The following NOX4 variants were observed in gnomAD, a reference collection of about 807,000 sequenced individuals.
The protein encoded by NOX4 is NADPH oxidase 4, also known as kidney oxidase-1.
In NOX4, 69 loss-of-function variants were observed where a neutral mutation model predicts 87.6. That is an observed-to-expected ratio of 0.79 (90% CI 0.65 to 0.96). The LOEUF is 0.96. Among genes scored for constraint, NOX4 ranks in the 40% least tolerant of loss-of-function variants. NOX4 has a pLI of 0.00. For synonymous variants in NOX4, 275 were observed against 238.2 expected (o/e 1.15, Z -1.42); for missense variants, 680 against 681.5 (o/e 1.00, Z 0.02).
chr11:89,387,109 C>T (rs1940768650), intron 11 of NOX4, among the ~76,000 whole-genome samples: 1 of 152,046 alleles, frequency 6.6e-6, no homozygotes, highest in African/African-American at 2.4e-5. Flanking sequence ...ATTATCTCTC[C>T]ATACCACCCC....
intron 4 of NOX4, among the ~76,000 whole-genome samples, chr11:89,447,329 T>C (rs936083449): frequency 2.6e-5 from 4 of 152,190 alleles, no homozygotes; most frequent in Non-Finnish European, 4.4e-5. Flanking sequence ...TATAGAAGAA[T>C]TACTATTCTT....
intron 2 of NOX4, among the ~76,000 whole-genome samples, chr11:89,466,946 T>C (rs1278445207): frequency 6.6e-6 from 1 of 152,064 alleles, no homozygotes; most frequent in Admixed American, 6.5e-5. Context: ...GTATATGTAA[T>C]AAATAAATAG....
At chr11:89,431,617 C>T (rs1384118714) in intron 7 of NOX4, among the ~76,000 whole-genome samples, 3 of 152,080 alleles carry the variant, frequency 2.0e-5, no homozygotes, top group Non-Finnish European at 4.4e-5. Context: ...TCATCACTGG[C>T]CATCAGAGAA....
the NOX4 span, among the ~76,000 whole-genome samples, chr11:89,563,329 T>C: frequency 1.3e-5 from 2 of 152,312 alleles, no homozygotes; most frequent in Admixed American, 6.5e-5. Flanking sequence ...AAATTTCCAC[T>C]GTTTAGATAG....
chr11:89,356,854 G>A (rs937947374), intron 12 of NOX4, among the ~76,000 whole-genome samples: 1 of 151,994 alleles, frequency 6.6e-6, no homozygotes, highest in African/African-American at 2.4e-5. Context: ...AAAACTGTTT[G>A]TTAAGGTTAA....
At chr11:89,359,315 C>T (rs191829528) in intron 12 of NOX4, among the ~76,000 whole-genome samples, 100 of 151,614 alleles carry the variant, frequency 6.6e-4, no homozygotes, top group Middle Eastern at 3.4e-3. Context: ...ATCTCTAATC[C>T]ACCCCAATAT....
chr11:89,432,702 A>G (rs765899066), intron 7 of NOX4, 82 bp downstream of exon 7: 50 of 963,274 alleles, frequency 5.2e-5, no homozygotes, highest in Non-Finnish European at 6.3e-5. Context: ...GGACACTACA[A>G]TGGTTAAACA....
chr11:89,481,818 C>T (rs1946401139), intron 2 of NOX4, among the ~76,000 whole-genome samples: 1 of 152,042 alleles, frequency 6.6e-6, no homozygotes, highest in African/African-American at 2.4e-5. Flanking sequence ...GTCCACAGTT[C>T]TACAGGCTCC....
the NOX4 span, among the ~76,000 whole-genome samples, chr11:89,520,085 C>G: frequency 0.36 from 54,708 of 151,696 alleles, 10,031 homozygotes; most frequent in Middle Eastern, 0.41. Context: ...GATCAGGGAG[C>G]AAACAGTGCT....
intron 6 of NOX4, among the ~76,000 whole-genome samples, chr11:89,438,051 A>G (rs1944173007): frequency 6.6e-6 from 1 of 151,580 alleles, no homozygotes; most frequent in Non-Finnish European, 1.5e-5. Context: ...TTTCCCAGAC[A>G]CACACTAAGG....
At chr11:89,386,026 G>A (rs1267827692) in intron 11 of NOX4, among the ~76,000 whole-genome samples, 2 of 152,084 alleles carry the variant, frequency 1.3e-5, no homozygotes, top group Non-Finnish European at 2.9e-5. Flanking sequence ...TCAATCTTCA[G>A]GAAAGGTAAA....
the NOX4 span, among the ~76,000 whole-genome samples, chr11:89,588,311 A>G: frequency 6.6e-6 from 1 of 152,322 alleles, no homozygotes; most frequent in East Asian, 1.9e-4. Context: ...TAGGCTAAAC[A>G]TAGCTATTTT....
At chr11:89,461,756 T>C (rs1015526209) in intron 2 of NOX4, among the ~76,000 whole-genome samples, 16 of 152,104 alleles carry the variant, frequency 1.1e-4, no homozygotes, top group Admixed American at 3.3e-4. Context: ...CAGAACATCT[T>C]ATAAGTCACA....
intron 8 of NOX4, among the ~76,000 whole-genome samples, chr11:89,405,080 T>TTGTGTGTGTGTGTGTGTG (rs71472257): frequency 0.11 from 15,245 of 132,860 alleles, 1,258 homozygotes; most frequent in East Asian, 0.35. Flanking sequence ...AAAAGTCAGA[T>TTGTGTGTGTGTGTGTGTG]TGTGTGTGTG....
chr11:89,349,977 G>GT (rs746532974), intron 13 of NOX4, among the ~76,000 whole-genome samples: 1 of 152,122 alleles, frequency 6.6e-6, no homozygotes, highest in Non-Finnish European at 1.5e-5. Flanking sequence ...AATAAAACTT[G>GT]TTTTTTATCT....
the NOX4 span, among the ~76,000 whole-genome samples, chr11:89,524,745 A>G: frequency 6.6e-6 from 1 of 152,132 alleles, no homozygotes; most frequent in African/African-American, 2.4e-5. Context: ...ATGTTTTGAT[A>G]TATAAATACA....
At chr11:89,558,523 T>C in the NOX4 span, among the ~76,000 whole-genome samples, 10 of 152,130 alleles carry the variant, frequency 6.6e-5, no homozygotes, top group Non-Finnish European at 1.5e-4. Flanking sequence ...AATTAAAGCC[T>C]GGAAGCCAAG....
At chr11:89,486,576 ATGTG>A (rs1266827728) in intron 2 of NOX4, among the ~76,000 whole-genome samples, 4,149 of 137,186 alleles carry the variant, frequency 0.03, 612 homozygotes, top group African/African-American at 0.1. Context: ...ATACATATAT[ATGTG>A]TGTATATATG....
intron 2 of NOX4, among the ~76,000 whole-genome samples, chr11:89,483,236 G>T (rs898640838): frequency 6.6e-6 from 1 of 152,044 alleles, no homozygotes; most frequent in East Asian, 1.9e-4. Flanking sequence ...CTATTAGGTT[G>T]AGCCATATAA....
Sources: gnomAD v4.1 joint callset for allele counts (sites outside exome capture counted in the v4.1 genomes callset) on GRCh38, gnomAD v4.1.1 for gene constraint, MANE v1.5 for transcripts, NCBI Gene and HGNC (gene_info 2026-07-23, HGNC 2026-07-21) for gene names.